WAC: variants seen among roughly 807,000 people sequenced by gnomAD.
The protein encoded by WAC is WW domain containing adaptor with coiled-coil, also known as WW domain-containing adapter protein with coiled-coil.
Under a neutral mutation model 79.6 loss-of-function variants are expected in WAC, and 11 were observed. That is an observed-to-expected ratio of 0.14 (90% CI 0.09 to 0.23). WAC has a LOEUF of 0.23. Among genes scored for constraint, WAC ranks in the 10% least tolerant of loss-of-function variants. The probability of loss-of-function intolerance (pLI) is 1.00; values close to 1 mark genes in which losing one functional copy is unlikely to be tolerated. For missense variants in WAC, 728 were observed against 773.5 expected (o/e 0.94, Z 0.70); for synonymous variants, 304 against 276.9 (o/e 1.10, Z -0.97).
intron 3 of WAC, 102 bp downstream of exon 3, chr10:28,535,859 T>TA: frequency 1.0e-6 from 1 of 998,458 alleles, no homozygotes; most frequent in Non-Finnish European, 1.4e-6. Flanking sequence ...ACTGTTCAGT[T>TA]ATGTCATTAA....
intron 6 of WAC, among the ~76,000 whole-genome samples, chr10:28,593,732 A>C (rs1351603038): frequency 7.2e-5 from 2 of 27,838 alleles, no homozygotes; most frequent in Non-Finnish European, 1.3e-4. Context: ...GACTCTCTCA[A>C]AAAAAAAAAA....
At chr10:28,593,869 A>G (rs2132696713) in intron 6 of WAC, among the ~76,000 whole-genome samples, 1 of 152,252 alleles carries the variant, frequency 6.6e-6, no homozygotes, top group East Asian at 1.9e-4. Flanking sequence ...TTATATGTTG[A>G]TGGCTCTATG....
At chr10:28,603,704 A>G (rs558315988) in intron 7 of WAC, among the ~76,000 whole-genome samples, 117 of 151,710 alleles carry the variant, frequency 7.7e-4, no homozygotes, top group African/African-American at 2.8e-3. Context: ...AGACTGAAGC[A>G]GGTGGATCCA....
intron 3 of WAC, chr10:28,538,341 G>C (rs1836794007): frequency 3.1e-6 from 1 of 322,216 alleles, no homozygotes; most frequent in African/African-American, 2.2e-5. Context: ...CAGCACTTTG[G>C]GAGGCCGAGG....
intron 3 of WAC, among the ~76,000 whole-genome samples, chr10:28,555,600 A>G (rs1172999220): frequency 2.6e-5 from 4 of 152,160 alleles, no homozygotes; most frequent in Non-Finnish European, 5.9e-5. Flanking sequence ...CTAAGGAAAC[A>G]TACAGTGGTG....
intron 5 of WAC, 83 bp from the exon 6 acceptor site, chr10:28,590,637 A>G: frequency 9.1e-7 from 1 of 1,098,686 alleles, no homozygotes; most frequent in Non-Finnish European, 1.3e-6. Flanking sequence ...ACCATTTGTT[A>G]GGCATTTGGC....
chr10:28,595,435 G>C (rs1429123081), intron 6 of WAC, among the ~76,000 whole-genome samples: 1 of 141,556 alleles, frequency 7.1e-6, no homozygotes, highest in East Asian at 2.1e-4. Flanking sequence ...TTTTTTTTGT[G>C]TTTTGTTTGA....
chr10:28,573,869 C>A (rs1839106287), intron 3 of WAC, among the ~76,000 whole-genome samples: 1 of 151,916 alleles, frequency 6.6e-6, no homozygotes, highest in Non-Finnish European at 1.5e-5. Context: ...CCAACACCCC[C>A]CTCACCCTCA....
chr10:28,585,012 G>A (rs1029270554), intron 4 of WAC, among the ~76,000 whole-genome samples: 3 of 152,080 alleles, frequency 2.0e-5, no homozygotes, highest in Non-Finnish European at 4.4e-5. Context: ...AGGTTGCAGT[G>A]AGCCAAGATC....
rs1034070055 is a variant in WAC, at chr10:28,533,515, GCGCC to G, written c.-56_-53del. 4.5e-6 allele frequency: 5 copies of G among 1,122,062 alleles called. No homozygotes were observed. Among genetic ancestry groups the G allele is most frequent in the Non-Finnish European group, 5.6e-6 (5 of 892,182 alleles). The allele number at this position is 1,122,062 out of a possible 1,614,324, so 69.5% of individuals were successfully genotyped here. A position where few individuals can be genotyped will look rare whatever the true frequency, so the allele number is the denominator to read the frequency against. ...GCCGCCCGCCGCCGCCGCCGCCTGC[GCGCC>G]CGCCCGCCTTTCGCGGCCGCTCTCC... On this transcript the variant is annotated 5_prime_UTR_variant, in exon 1 of 14. Coordinates refer to ENST00000354911, the MANE Select transcript of WAC (RefSeq NM_016628.5).
chr10:28,556,298 C>A (rs928984682), intron 3 of WAC, among the ~76,000 whole-genome samples: 1 of 149,372 alleles, frequency 6.7e-6, no homozygotes, highest in African/African-American at 2.5e-5. Context: ...ATTTGCATTT[C>A]TCTGATTAGT....
intron 3 of WAC, among the ~76,000 whole-genome samples, chr10:28,561,507 T>A (rs1433902392): frequency 2.0e-5 from 3 of 152,118 alleles, no homozygotes; most frequent in African/African-American, 7.2e-5. Context: ...GTTTTTTTTT[T>A]AAAGATGGCA....
intron 3 of WAC, among the ~76,000 whole-genome samples, chr10:28,540,623 A>G (rs1836957339): frequency 6.6e-6 from 1 of 152,254 alleles, no homozygotes; most frequent in Non-Finnish European, 1.5e-5. Flanking sequence ...CGAAGTGGAA[A>G]CATTGCATAG....
chr10:28,541,292 A>G (rs865995823), intron 3 of WAC, among the ~76,000 whole-genome samples: 3 of 151,752 alleles, frequency 2.0e-5, no homozygotes, highest in South Asian at 2.1e-4. Context: ...TTTTGTTATG[A>G]TGCTGGAAAG....
intron 3 of WAC, among the ~76,000 whole-genome samples, chr10:28,546,181 A>C (rs1003860063): frequency 6.6e-6 from 1 of 152,224 alleles, no homozygotes; most frequent in African/African-American, 2.4e-5. Context: ...CGTCTTCCTA[A>C]AGGTTCTGAC....
intron 12 of WAC, 84 bp downstream of exon 12, chr10:28,616,446 A>C: frequency 9.1e-7 from 1 of 1,096,226 alleles, no homozygotes; most frequent in Non-Finnish European, 1.2e-6. Flanking sequence ...TAATGTGACC[A>C]CTGAATTCAA....
chr10:28,606,457 C>T (rs572862233), intron 7 of WAC, among the ~76,000 whole-genome samples: 1 of 152,316 alleles, frequency 6.6e-6, no homozygotes, highest in East Asian at 1.9e-4. Context: ...AAGCACCTTC[C>T]TTTAAAAGTG....
At chr10:28,592,866 C>G in intron 6 of WAC, among the ~76,000 whole-genome samples, 1 of 151,948 alleles carries the variant, frequency 6.6e-6, no homozygotes. Context: ...TTTACCTGTT[C>G]TTTTATTCAG....
At chr10:28,535,794 T>A (rs1836624481) in intron 3 of WAC, 37 bp downstream of exon 3, 1 of 1,555,214 alleles carries the variant, frequency 6.4e-7, no homozygotes, top group Admixed American at 1.8e-5. Context: ...GACATACAGT[T>A]TTAACAATAG....
Sources: allele counts gnomAD v4.1 joint callset (sites outside exome capture counted in the v4.1 genomes callset), GRCh38; gene constraint gnomAD v4.1.1; transcripts MANE v1.5; gene names NCBI Gene and HGNC (gene_info 2026-07-23, HGNC 2026-07-21).